MIB1: variants seen among roughly 807,000 people sequenced by gnomAD.
MIB1 encodes the protein MIB E3 ubiquitin protein ligase 1, also known as E3 ubiquitin-protein ligase MIB1.
In MIB1, 278 loss-of-function variants were observed where a neutral mutation model predicts 124.5. That is an observed-to-expected ratio of 2.23 (90% CI 2.02 to 2.47). The LOEUF (loss-of-function observed/expected upper bound fraction) is 2.47, where lower values mean the gene tolerates loss of function less well. Among genes scored for constraint, MIB1 ranks in the 30% most tolerant of loss-of-function variants. MIB1 has a pLI of 0.00. For missense variants in MIB1, 957 were observed against 1,254.4 expected (o/e 0.76, Z 3.58); for synonymous variants, 446 against 429.4 (o/e 1.04, Z -0.48).
chr18:21,795,953 G>C (rs1215133466), intron 7 of MIB1, among the ~76,000 whole-genome samples: 2 of 152,116 alleles, frequency 1.3e-5, no homozygotes, highest in African/African-American at 4.8e-5. Flanking sequence ...GTTGTAAAAG[G>C]AGATGCAGAT....
At chr18:21,758,621 G>GCCT (rs768766826) in intron 1 of MIB1, among the ~76,000 whole-genome samples, 86 of 151,752 alleles carry the variant, frequency 5.7e-4, no homozygotes, top group Non-Finnish European at 1.0e-3. Context: ...TGCAACCTCC[G>GCCT]CCTCCTGGGT....
At chr18:21,754,812 G>A (rs1278233138) in intron 1 of MIB1, among the ~76,000 whole-genome samples, 2 of 152,202 alleles carry the variant, frequency 1.3e-5, no homozygotes, top group Non-Finnish European at 2.9e-5. Context: ...GATGGAAACG[G>A]CACTAAATTT....
intron 12 of MIB1, among the ~76,000 whole-genome samples, chr18:21,837,979 A>C (rs565861596): frequency 1.3e-5 from 2 of 152,182 alleles, no homozygotes; most frequent in Non-Finnish European, 2.9e-5. Context: ...CCCAAAGCCA[A>C]AGTGGTGCCC....
At chr18:21,835,503 C>T (rs1293965151) in intron 12 of MIB1, among the ~76,000 whole-genome samples, 1 of 152,156 alleles carries the variant, frequency 6.6e-6, no homozygotes, top group South Asian at 2.1e-4. Flanking sequence ...TGCGGTGGCT[C>T]ACGCCTGTAA....
At chr18:21,734,942 T>G (rs1255890885) in intron 1 of MIB1, among the ~76,000 whole-genome samples, 1 of 152,252 alleles carries the variant, frequency 6.6e-6, no homozygotes, top group Non-Finnish European at 1.5e-5. Flanking sequence ...AAAATGGAAC[T>G]CCATGCAGTT....
At chr18:21,841,185 G>C (rs985559709) in intron 13 of MIB1, among the ~76,000 whole-genome samples, 1 of 152,236 alleles carries the variant, frequency 6.6e-6, no homozygotes, top group African/African-American at 2.4e-5. Context: ...GGCCAACATC[G>C]TGAAACCCCT....
chr18:21,724,405 A>G (rs926209678), intron 1 of MIB1, among the ~76,000 whole-genome samples: 6 of 151,952 alleles, frequency 3.9e-5, no homozygotes, highest in African/African-American at 1.5e-4. Context: ...ACATTCAATT[A>G]AAAAATATAT....
Position 21,846,993 on chromosome 18 carries a change from C to G in MIB1, c.2261C>G (p.Ser754Cys). ...GGGGCAGAGAAGAAGAGTGCAGCAT[C>G]TATTGCCTGTTTCTTGGCAGCCAAT... is the stretch of plus-strand genomic sequence containing the variant. Reference protein sequence around the residue: ...TQGAEKKSAASIACFLAANGA... With the variant: ...TQGAEKKSAACIACFLAANGA... Residue 754 changes from serine to cysteine, a missense_variant, in exon 16 of 21, where the codon TCT becomes TGT. By Grantham distance (112) the Ser-to-Cys change is moderately radical. Coordinates refer to ENST00000261537, the MANE Select transcript of MIB1 (RefSeq NM_020774.4). 1 of 1,614,180 alleles carries G rather than the reference C, an allele frequency of 6.2e-7. No homozygotes were observed. Among genetic ancestry groups the G allele is most frequent in the Non-Finnish European group, 8.5e-7 (1 of 1,180,032 alleles).
chr18:21,825,474 CAA>C (rs2041916283), intron 12 of MIB1: 3 of 276,746 alleles, frequency 1.1e-5, no homozygotes, highest in Admixed American at 1.0e-4. Context: ...AATTTAATAC[CAA>C]GAGACCATAA....
intron 4 of MIB1, among the ~76,000 whole-genome samples, chr18:21,774,209 C>T (rs1411922932): frequency 6.6e-6 from 1 of 152,144 alleles, no homozygotes; most frequent in Non-Finnish European, 1.5e-5. Flanking sequence ...TTAGAAACAC[C>T]TTGAATTACT....
intron 1 of MIB1, among the ~76,000 whole-genome samples, chr18:21,708,708 G>T (rs2040651722): frequency 6.6e-6 from 1 of 152,118 alleles, no homozygotes; most frequent in Non-Finnish European, 1.5e-5. Context: ...ATGAGGAAAT[G>T]AGAGCTCAGA....
chr18:21,728,123 C>T (rs2040751086), intron 1 of MIB1, among the ~76,000 whole-genome samples: 2 of 152,204 alleles, frequency 1.3e-5, no homozygotes, highest in Non-Finnish European at 2.9e-5. Context: ...CAACTACCCA[C>T]CACCCCCAAC....
Position 21,768,768 on chromosome 18 carries a change from G to T in MIB1, c.531+16G>T. On this transcript the variant is annotated intron_variant, in intron 3 of 20. Coordinates refer to ENST00000261537, the MANE Select transcript of MIB1 (RefSeq NM_020774.4). ...TAGGGGAAAGGTACAGTGTTTCTCT[G>T]AATTCATTATGTATTCTAGAGTATT... 1 of 1,600,688 alleles carries T rather than the reference G, an allele frequency of 6.2e-7. No homozygotes were observed. Among genetic ancestry groups the T allele is most frequent in the South Asian group, 1.1e-5 (1 of 89,100 alleles).
chr18:21,791,263 C>A, intron 6 of MIB1, 111 bp from the exon 7 acceptor site: 1 of 709,824 alleles, frequency 1.4e-6, no homozygotes, highest in Non-Finnish European at 2.2e-6. Flanking sequence ...ACAAATCATT[C>A]AGGATATAAT....
chr18:21,812,636 T>C (rs536025689), intron 10 of MIB1, among the ~76,000 whole-genome samples: 4 of 152,322 alleles, frequency 2.6e-5, no homozygotes, highest in African/African-American at 7.2e-5. Context: ...GTTGACCATA[T>C]GGTCTGTAGT....
rs546216088 is a variant in MIB1, at chr18:21,805,304, C to T, written c.1479+1290C>T. Among the ~76,000 whole-genome samples, 44 of 152,094 alleles carry T rather than the reference C, an allele frequency of 2.9e-4. 1 individual carries two copies. In the South Asian group the frequency reaches 4.4e-3, roughly 15 times the overall value. On this transcript the variant is annotated intron_variant, in intron 10 of 20. Coordinates refer to ENST00000261537, the MANE Select transcript of MIB1 (RefSeq NM_020774.4). ...CTGAGATTACAGGTGTGAGCCACCG[C>T]GCCTAAGAACTTGAATTTTAAATTA... is the stretch of plus-strand genomic sequence containing the variant.
intron 12 of MIB1, 28 bp downstream of exon 12, chr18:21,819,674 C>T: frequency 1.4e-6 from 2 of 1,414,302 alleles, no homozygotes; most frequent in South Asian, 1.8e-5. Context: ...ATTTTAGGTG[C>T]AATTCAAAAA....
intron 1 of MIB1, among the ~76,000 whole-genome samples, chr18:21,750,606 C>T (rs764807521): frequency 2.1e-4 from 32 of 152,138 alleles, no homozygotes; most frequent in Non-Finnish European, 2.9e-4. Flanking sequence ...GGATTACAGG[C>T]GTAAGCCACC....
At chr18:21,719,947 A>G (rs544246901) in intron 1 of MIB1, among the ~76,000 whole-genome samples, 1 of 152,340 alleles carries the variant, frequency 6.6e-6, no homozygotes, top group South Asian at 2.1e-4. Context: ...ACACATTTAT[A>G]CTAGCAACCC....
Sources: gnomAD v4.1 joint callset for allele counts (sites outside exome capture counted in the v4.1 genomes callset) on GRCh38, gnomAD v4.1.1 for gene constraint, MANE v1.5 for transcripts, NCBI Gene and HGNC (gene_info 2026-07-23, HGNC 2026-07-21) for gene names.